The following FSTL4 variants were observed in gnomAD, a reference collection of about 807,000 sequenced individuals.
The protein encoded by FSTL4 is follistatin-related protein 4.
In FSTL4, 28 loss-of-function variants were observed where a neutral mutation model predicts 78.2. The ratio of observed to expected loss-of-function variants is 0.36; its 90% CI spans 0.27 to 0.49. The LOEUF is 0.49. Among genes scored for constraint, FSTL4 ranks in the 20% least tolerant of loss-of-function variants. The pLI is 0.98. For synonymous variants in FSTL4, 422 were observed against 440.5 expected (o/e 0.96, Z 0.53); for missense variants, 922 against 1,084.9 (o/e 0.85, Z 2.11).
chr5:133,702,045 C>G, the FSTL4 span, among the ~76,000 whole-genome samples: 3 of 152,208 alleles, frequency 2.0e-5, no homozygotes, highest in African/African-American at 7.2e-5. Context: ...CCACCCCAGA[C>G]TTCTCTCCAG....
chr5:133,400,796 A>C lies in FSTL4; in HGVS notation c.351T>G (p.Ala117=). ...TGATCCTCTTTCCCAGGAGGCAAGC[A>C]GCACGGTGGAGCTTACAGTGGTTTT... The part of the protein sequence containing the change: ...FYENHCKLHR[A]ACLLGKRITV... Residue 117 remains alanine (A), a synonymous_variant, in exon 4 of 16, where the codon GCT becomes GCG. Coordinates refer to ENST00000265342, the MANE Select transcript of FSTL4 (RefSeq NM_015082.2). The C allele has an allele frequency of 1.2e-6, 2 of 1,614,126 alleles. No homozygotes were observed. Among genetic ancestry groups the C allele is most frequent in the Non-Finnish European group, 1.7e-6 (2 of 1,180,004 alleles).
chr5:133,807,492 T>G, the FSTL4 span, among the ~76,000 whole-genome samples: 1 of 152,220 alleles, frequency 6.6e-6, no homozygotes, highest in Admixed American at 6.5e-5. Context: ...AAACAGATGT[T>G]TAACAGCACA....
the FSTL4 span, among the ~76,000 whole-genome samples, chr5:133,746,336 T>C: frequency 6.6e-6 from 1 of 152,182 alleles, no homozygotes; most frequent in Non-Finnish European, 1.5e-5. Context: ...TAAACAAAAG[T>C]TCATGAAACT....
intron 6 of FSTL4, among the ~76,000 whole-genome samples, chr5:133,264,270 C>G (rs73788026): frequency 0.012 from 1,771 of 152,278 alleles, 38 homozygotes; most frequent in African/African-American, 0.041. Flanking sequence ...GACTTGCACA[C>G]CCTTAAAATA....
chr5:133,532,216 T>C (rs1203447359), intron 3 of FSTL4, among the ~76,000 whole-genome samples: 1 of 152,134 alleles, frequency 6.6e-6, no homozygotes. Flanking sequence ...CTCCAGAAAC[T>C]AGAAAGTGCA....
chr5:133,448,419 G>T (rs1757310353), intron 3 of FSTL4, among the ~76,000 whole-genome samples: 1 of 152,188 alleles, frequency 6.6e-6, no homozygotes, highest in Non-Finnish European at 1.5e-5. Context: ...TGTGTGGACG[G>T]CTCTTTGTAA....
chr5:133,198,891 T>G lies in FSTL4; in HGVS notation c.*204A>C. The G allele has an allele frequency of 2.1e-6, 1 of 471,302 alleles. No homozygotes were observed. Among genetic ancestry groups the G allele is most frequent in the East Asian group, 3.0e-5 (1 of 33,302 alleles). The allele number at this position is 471,302 out of a possible 1,614,324, so 29.2% of individuals were successfully genotyped here. A position where few individuals can be genotyped will look rare whatever the true frequency, so the allele number is the denominator to read the frequency against. On this transcript the variant is annotated 3_prime_UTR_variant, in exon 16 of 16. Transcript: ENST00000265342. ...TATGTTCTCATCGTAGCTCAAGGCA[T>G]AAATCATACTTCCTAACGAAAAAAC...
chr5:133,622,889 A>C, the FSTL4 span, among the ~76,000 whole-genome samples: 1 of 152,150 alleles, frequency 6.6e-6, no homozygotes, highest in Non-Finnish European at 1.5e-5. Context: ...TCTGCAGAGC[A>C]AAAGTTTTTA....
At chr5:133,287,576 G>A (rs1488027853) in intron 6 of FSTL4, among the ~76,000 whole-genome samples, 1 of 152,068 alleles carries the variant, frequency 6.6e-6, no homozygotes, top group Non-Finnish European at 1.5e-5. Context: ...GCAGGCATAG[G>A]CATCCCAACC....
chr5:133,534,898 C>T (rs1341856391), intron 3 of FSTL4, among the ~76,000 whole-genome samples: 1 of 152,140 alleles, frequency 6.6e-6, no homozygotes. Context: ...TGTGAGCCAA[C>T]CTGCCTCTTA....
At chr5:133,643,011 A>T in the FSTL4 span, among the ~76,000 whole-genome samples, 149 of 152,314 alleles carry the variant, frequency 9.8e-4, 2 homozygotes, top group Admixed American at 8.5e-4. Flanking sequence ...AACCTTAGAA[A>T]ATGTATGTCT....
chr5:133,421,547 G>A (rs530827227), intron 3 of FSTL4, among the ~76,000 whole-genome samples: 8 of 152,384 alleles, frequency 5.2e-5, no homozygotes, highest in Admixed American at 2.6e-4. Flanking sequence ...CCCTTGTGGT[G>A]TGCATTCCAC....
Position 133,435,709 on chromosome 5 carries a change from G to A in FSTL4, c.161-34723C>T, listed in dbSNP as rs150729427. Among the ~76,000 whole-genome samples the A allele has an allele frequency of 1.2e-4, 18 of 152,218 alleles. No homozygotes were observed. In the East Asian group the frequency reaches 3.3e-3, roughly 28 times the overall value. On this transcript the variant is annotated intron_variant, in intron 3 of 15. Coordinates refer to ENST00000265342, the MANE Select transcript of FSTL4 (RefSeq NM_015082.2). ...CTGGTATGTTAAACTCTCACACTAC[G>A]ATTGTGCTCCTATTTTTCCTTTTAT...
chr5:133,804,406 C>T, the FSTL4 span, among the ~76,000 whole-genome samples: 10 of 152,162 alleles, frequency 6.6e-5, no homozygotes, highest in Non-Finnish European at 1.5e-4. Context: ...ACTGAAAACC[C>T]GGCAAACCCT....
chr5:133,789,819 T>A, the FSTL4 span, among the ~76,000 whole-genome samples: 1 of 152,338 alleles, frequency 6.6e-6, no homozygotes, highest in Non-Finnish European at 1.5e-5. Flanking sequence ...TCTCTTCTTA[T>A]AAGGACATGA....
At chr5:133,331,110 A>G (rs575131575) in intron 4 of FSTL4, among the ~76,000 whole-genome samples, 6 of 152,306 alleles carry the variant, frequency 3.9e-5, no homozygotes, top group Non-Finnish European at 7.4e-5. Flanking sequence ...GGGTAGAGAC[A>G]GCAAGCCCCG....
chr5:133,198,318 G>A lies in FSTL4; in HGVS notation c.*777C>T, dbSNP rs187013706. On this transcript the variant is annotated 3_prime_UTR_variant, in exon 16 of 16. Transcript: ENST00000265342. ...CCTGGTCTGCTCTTGGAGAAGCAGG[G>A]TGGCAATAGTCGACAGGGCCAGTAT... 2 of 152,596 alleles carry A rather than the reference G, an allele frequency of 1.3e-5. No individual in the cohort carries two copies. The highest frequency in any genetic ancestry group is 4.8e-5 in the African/African-American group (2 of 41,400). The allele number at this position is 152,596 out of a possible 1,614,324, so 9.5% of individuals were successfully genotyped here.
At chr5:133,557,829 T>C (rs1417135977) in intron 3 of FSTL4, among the ~76,000 whole-genome samples, 1 of 152,216 alleles carries the variant, frequency 6.6e-6, no homozygotes, top group African/African-American at 2.4e-5. Flanking sequence ...GTCCTCTTTT[T>C]GTTTGAGCTA....
intron 8 of FSTL4, among the ~76,000 whole-genome samples, chr5:133,229,862 C>A (rs1751438266): frequency 6.8e-6 from 1 of 146,374 alleles, no homozygotes; most frequent in Middle Eastern, 3.2e-3. Flanking sequence ...TCAGGCCCTA[C>A]CCTCATGGAG....
Sources: allele counts gnomAD v4.1 joint callset (sites outside exome capture counted in the v4.1 genomes callset), GRCh38; gene constraint gnomAD v4.1.1; transcripts MANE v1.5; gene names NCBI Gene and HGNC (gene_info 2026-07-23, HGNC 2026-07-21).